The following CEP85L variants were observed in gnomAD, a reference collection of about 807,000 sequenced individuals.
CEP85L encodes the protein centrosomal protein of 85 kDa-like.
CEP85L carries 60 observed loss-of-function variants against 100.3 expected under a neutral mutation model. That is an observed-to-expected ratio of 0.60 (90% confidence interval 0.49 to 0.74). The LOEUF (loss-of-function observed/expected upper bound fraction) is 0.74. Among genes scored for constraint, CEP85L ranks in the 30% least tolerant of loss-of-function variants. The pLI is 0.00. For missense variants in CEP85L, 973 were observed against 936.2 expected (o/e 1.04, Z -0.51); for synonymous variants, 319 against 322.7 (o/e 0.99, Z 0.12).
intron 3 of CEP85L, among the ~76,000 whole-genome samples, chr6:118,564,736 T>A (rs1779405066): frequency 6.6e-6 from 1 of 152,196 alleles, no homozygotes; most frequent in South Asian, 2.1e-4. Flanking sequence ...AATTTGCAAT[T>A]TTTTATAGAA....
chr6:118,694,927 T>C (rs540998249), intron 1 of CEP85L, among the ~76,000 whole-genome samples: 1 of 152,318 alleles, frequency 6.6e-6, no homozygotes, highest in Non-Finnish European at 1.5e-5. Flanking sequence ...TAGACTTTTA[T>C]TACTAAGGGA....
chr6:118,494,711 C>T (rs1774809405), intron 5 of CEP85L, among the ~76,000 whole-genome samples: 1 of 152,172 alleles, frequency 6.6e-6, no homozygotes, highest in African/African-American at 2.4e-5. Context: ...CACTTTACCA[C>T]TGCATTACTA....
intron 5 of CEP85L, among the ~76,000 whole-genome samples, chr6:118,498,535 G>A (rs985029065): frequency 2.7e-5 from 4 of 150,866 alleles, no homozygotes; most frequent in African/African-American, 7.3e-5. Context: ...CAAGGCAGGT[G>A]GATGGCTTGA....
chr6:118,658,015 G>A (rs564633939), intron 1 of CEP85L, among the ~76,000 whole-genome samples: 3 of 152,216 alleles, frequency 2.0e-5, no homozygotes, highest in Admixed American at 2.0e-4. Flanking sequence ...TTACCCAGTG[G>A]AAGAATGTAG....
chr6:118,537,528 T>G, intron 3 of CEP85L: 1 of 985,298 alleles, frequency 1.0e-6, no homozygotes, highest in South Asian at 4.7e-5. Flanking sequence ...AGGTACCTCT[T>G]CTTGGAAATG....
At chr6:118,489,653 G>T (rs759802383) in intron 6 of CEP85L, among the ~76,000 whole-genome samples, 26 of 152,090 alleles carry the variant, frequency 1.7e-4, no homozygotes, top group Non-Finnish European at 8.8e-5. Flanking sequence ...AACAAATGAT[G>T]GCAAGGATGT....
chr6:118,703,167 G>A (rs971528742), intron 1 of CEP85L, among the ~76,000 whole-genome samples: 4 of 151,674 alleles, frequency 2.6e-5, no homozygotes, highest in African/African-American at 4.8e-5. Flanking sequence ...TTGGTGGGGG[G>A]GATTACTATT....
chr6:118,674,253 T>C (rs1366401039), intron 1 of CEP85L, among the ~76,000 whole-genome samples: 1 of 152,210 alleles, frequency 6.6e-6, no homozygotes. Flanking sequence ...GGGCTGGGCA[T>C]GGTGGCTCAC....
intron 1 of CEP85L, among the ~76,000 whole-genome samples, chr6:118,699,060 C>T (rs1367098752): frequency 6.6e-6 from 1 of 152,072 alleles, no homozygotes; most frequent in Non-Finnish European, 1.5e-5. Flanking sequence ...TTGTGTTCAG[C>T]GCAGTGGACC....
intron 2 of CEP85L, among the ~76,000 whole-genome samples, chr6:118,578,505 G>T (rs1369942395): frequency 6.6e-6 from 1 of 152,180 alleles, no homozygotes; most frequent in Admixed American, 6.5e-5. Context: ...GCTGAGGCGG[G>T]CGGATCACGA....
intron 2 of CEP85L, among the ~76,000 whole-genome samples, chr6:118,605,739 A>C (rs888278101): frequency 2.0e-5 from 3 of 152,168 alleles, no homozygotes; most frequent in Non-Finnish European, 2.9e-5. Flanking sequence ...ACAGCTGGGC[A>C]CCATGGCTCG....
intron 2 of CEP85L, among the ~76,000 whole-genome samples, chr6:118,608,618 A>T (rs1251739381): frequency 6.6e-6 from 1 of 152,202 alleles, no homozygotes; most frequent in African/African-American, 2.4e-5. Flanking sequence ...GTAGGGATCT[A>T]CTACCACATT....
rs975262718 is a variant in CEP85L, at chr6:118,463,628, C to G, written c.*1777G>C. The G allele has an allele frequency of 2.0e-5, 3 of 152,030 alleles. No individual in the cohort carries two copies. Among genetic ancestry groups the G allele is most frequent in the Non-Finnish European group, 4.4e-5 (3 of 67,932 alleles). The allele number at this position is 152,030 out of a possible 1,614,324, so 9.4% of individuals were successfully genotyped here. A position where few individuals can be genotyped will look rare whatever the true frequency, so the allele number is the denominator to read the frequency against. On this transcript the variant is annotated 3_prime_UTR_variant, in exon 13 of 13. Coordinates refer to ENST00000368491, the MANE Select transcript of CEP85L (RefSeq NM_001042475.3). Reference sequence around the variant, plus strand: ...CAAGTTCTTACCAGTGACTAAGACCCTCCTTAGGTTAAGGACTCTGGGATG... The same window carrying G: ...CAAGTTCTTACCAGTGACTAAGACCGTCCTTAGGTTAAGGACTCTGGGATG...
chr6:118,704,287 A>T (rs1248966472), intron 1 of CEP85L, among the ~76,000 whole-genome samples: 1 of 152,208 alleles, frequency 6.6e-6, no homozygotes, highest in African/African-American at 2.4e-5. Flanking sequence ...TTTTAGGGTC[A>T]TTCTAAGGGT....
intron 1 of CEP85L, among the ~76,000 whole-genome samples, chr6:118,667,544 GTGAAAACTGCATTTTTT>G (rs2115419228): frequency 6.6e-6 from 1 of 152,276 alleles, no homozygotes; most frequent in South Asian, 2.1e-4. Flanking sequence ...TAAACTGCAT[GTGAAAACTGCATTTTTT>G]GGATATCTGA....
At chr6:118,645,147 C>T (rs62422232) in intron 1 of CEP85L, among the ~76,000 whole-genome samples, 1,865 of 152,308 alleles carry the variant, frequency 0.012, 23 homozygotes, top group Non-Finnish European at 0.017. Flanking sequence ...TTCTCGAACT[C>T]ATTTCCGCCT....
At chr6:118,571,353 T>C (rs995539035) in intron 2 of CEP85L, among the ~76,000 whole-genome samples, 14 of 152,244 alleles carry the variant, frequency 9.2e-5, no homozygotes, top group Admixed American at 2.0e-4. Flanking sequence ...ATGTGGCTTA[T>C]AGCATTGACA....
Position 118,537,893 on chromosome 6 carries a change from A to G in CEP85L, c.1021-13973T>C, listed in dbSNP as rs1777685366. The G allele has an allele frequency of 5.1e-6, 5 of 985,326 alleles. No homozygotes were observed. The South Asian group carries it at 2.3e-4, about 46-fold the overall frequency. 61.0% of individuals were successfully genotyped at this position (985,326 alleles called of 1,614,324 possible). ...TAAATCTTCCTCTGTTTCCTGGAAT[A>G]GTCTATCTGAAGAGATACTCTACAA... On this transcript the variant is annotated intron_variant, in intron 3 of 12. Coordinates refer to ENST00000368491, the MANE Select transcript of CEP85L (RefSeq NM_001042475.3).
chr6:118,592,063 T>G (rs1316087639), intron 2 of CEP85L, among the ~76,000 whole-genome samples: 1 of 152,174 alleles, frequency 6.6e-6, no homozygotes, highest in Non-Finnish European at 1.5e-5. Context: ...AATAAAGAAC[T>G]AAAGTACAAA....
Sources: allele counts gnomAD v4.1 joint callset (sites outside exome capture counted in the v4.1 genomes callset), GRCh38; gene constraint gnomAD v4.1.1; transcripts MANE v1.5; gene names NCBI Gene and HGNC (gene_info 2026-07-23, HGNC 2026-07-21).